STXBP5L: variants seen among roughly 807,000 people sequenced by gnomAD.
STXBP5L encodes the protein syntaxin-binding protein 5-like.
Under a neutral mutation model 144.5 loss-of-function variants are expected in STXBP5L, and 65 were observed. The observed-to-expected ratio is 0.45, with a 90% CI of 0.37 to 0.55. The LOEUF (loss-of-function observed/expected upper bound fraction) is 0.55, where lower values mean the gene tolerates loss of function less well. STXBP5L is among the 20% of genes least tolerant of loss of function. The pLI is 0.00. For synonymous variants in STXBP5L, 505 were observed against 469.6 expected, an observed-to-expected ratio of 1.08 and a Z score of -0.97; for missense variants, 1,298 against 1,405.5, an observed-to-expected ratio of 0.92 and a Z score of 1.22.
intron 11 of STXBP5L, among the ~76,000 whole-genome samples, chr3:121,227,926 T>A (rs2049172790): frequency 6.6e-6 from 1 of 152,152 alleles, no homozygotes; most frequent in South Asian, 2.1e-4. Flanking sequence ...TCATTTAATA[T>A]CTGTACAAGA....
At chr3:121,351,986 A>T (rs1483815742) in intron 20 of STXBP5L, among the ~76,000 whole-genome samples, 1 of 152,074 alleles carries the variant, frequency 6.6e-6, no homozygotes, top group Non-Finnish European at 1.5e-5. Context: ...CAAAGATCAG[A>T]TGATTGTAGA....
At chr3:121,358,672 G>A (rs950996680) in intron 20 of STXBP5L, among the ~76,000 whole-genome samples, 3 of 152,084 alleles carry the variant, frequency 2.0e-5, no homozygotes, top group African/African-American at 7.2e-5. Flanking sequence ...AACCATATAA[G>A]CATTCTACTC....
intron 3 of STXBP5L, among the ~76,000 whole-genome samples, chr3:120,975,613 T>C (rs1279507671): frequency 1.3e-5 from 2 of 152,198 alleles, no homozygotes; most frequent in Non-Finnish European, 2.9e-5. Flanking sequence ...GGCATCCCTG[T>C]CTTGTGCCAG....
chr3:120,975,349 G>T (rs569358577), intron 3 of STXBP5L, among the ~76,000 whole-genome samples: 2 of 152,118 alleles, frequency 1.3e-5, no homozygotes, highest in South Asian at 2.1e-4. Context: ...TTGTTTGTCT[G>T]TTATTGGTGT....
intron 9 of STXBP5L, among the ~76,000 whole-genome samples, chr3:121,164,062 A>G (rs1211182350): frequency 2.0e-5 from 3 of 152,106 alleles, no homozygotes; most frequent in Non-Finnish European, 4.4e-5. Context: ...AATTTAGAAC[A>G]TTTTCATCAC....
chr3:121,130,541 T>C (rs552038147), intron 7 of STXBP5L, among the ~76,000 whole-genome samples: 3 of 152,152 alleles, frequency 2.0e-5, no homozygotes, highest in East Asian at 1.9e-4. Flanking sequence ...CTAAAACCAA[T>C]TGACAGAGGA....
intron 10 of STXBP5L, among the ~76,000 whole-genome samples, chr3:121,219,158 T>C (rs1223194879): frequency 6.6e-6 from 1 of 152,220 alleles, no homozygotes. Context: ...TTGTGATTAC[T>C]ACTTTATTAC....
At chr3:121,367,657 G>A (rs916158708) in intron 20 of STXBP5L, among the ~76,000 whole-genome samples, 56 of 113,840 alleles carry the variant, frequency 4.9e-4, no homozygotes, top group African/African-American at 1.8e-3. Flanking sequence ...AGAATAGAAT[G>A]TAGTGGCCTG....
At chr3:120,928,184 A>G (rs1709737044) in intron 2 of STXBP5L, among the ~76,000 whole-genome samples, 1 of 152,166 alleles carries the variant, frequency 6.6e-6, no homozygotes, top group Non-Finnish European at 1.5e-5. Flanking sequence ...AATATCTTAC[A>G]TTTTCTAAAA....
At chr3:120,928,635 A>T (rs1158573230) in intron 2 of STXBP5L, among the ~76,000 whole-genome samples, 1 of 125,628 alleles carries the variant, frequency 8.0e-6, no homozygotes, top group Non-Finnish European at 1.8e-5. Context: ...CATATGGTAT[A>T]CAGAGTGTGT....
chr3:121,209,197 G>T (rs2048459141), intron 10 of STXBP5L, among the ~76,000 whole-genome samples: 1 of 152,108 alleles, frequency 6.6e-6, no homozygotes, highest in African/African-American at 2.4e-5. Flanking sequence ...TTGGTTCCAA[G>T]TCTTTGCTAT....
chr3:120,961,686 G>A (rs923391273), intron 3 of STXBP5L, among the ~76,000 whole-genome samples: 2 of 152,126 alleles, frequency 1.3e-5, no homozygotes, highest in African/African-American at 4.8e-5. Context: ...ATGGACATTT[G>A]GGATGCTTCC....
At chr3:120,966,320 T>C (rs1939569746) in intron 3 of STXBP5L, among the ~76,000 whole-genome samples, 1 of 152,232 alleles carries the variant, frequency 6.6e-6, no homozygotes, top group Non-Finnish European at 1.5e-5. Flanking sequence ...CTTTGTTCCG[T>C]TGCTGGCGAG....
intron 10 of STXBP5L, among the ~76,000 whole-genome samples, chr3:121,208,327 C>T (rs2048420377): frequency 9.6e-6 from 1 of 103,942 alleles, no homozygotes; most frequent in Non-Finnish European, 1.8e-5. Context: ...ACACCGGGGC[C>T]TGTCATGGGG....
At chr3:121,336,934 G>C (rs931631004) in intron 20 of STXBP5L, among the ~76,000 whole-genome samples, 1 of 152,156 alleles carries the variant, frequency 6.6e-6, no homozygotes, top group South Asian at 2.1e-4. Context: ...AAAAGAATGA[G>C]ATCATGTCCT....
At chr3:121,095,365 AT>A (rs2043061292) in intron 5 of STXBP5L, among the ~76,000 whole-genome samples, 2 of 152,160 alleles carry the variant, frequency 1.3e-5, no homozygotes, top group African/African-American at 4.8e-5. Flanking sequence ...CTCTTGGATA[AT>A]AACCTGCAGA....
chr3:121,363,752 G>GT (rs941238043), intron 20 of STXBP5L, among the ~76,000 whole-genome samples: 21 of 151,248 alleles, frequency 1.4e-4, no homozygotes, highest in East Asian at 5.8e-4. Flanking sequence ...ATGAAGGTGG[G>GT]TTTTTTTTTC....
chr3:121,234,424 A>G (rs1577269737), intron 12 of STXBP5L, among the ~76,000 whole-genome samples: 1 of 152,094 alleles, frequency 6.6e-6, no homozygotes, highest in South Asian at 2.1e-4. Flanking sequence ...AAAATTCATT[A>G]TCTATATAAT....
At chr3:120,942,851 T>C (rs1182871269) in intron 2 of STXBP5L, among the ~76,000 whole-genome samples, 2 of 151,574 alleles carry the variant, frequency 1.3e-5, no homozygotes, top group Non-Finnish European at 3.0e-5. Context: ...TGTAGTTTTT[T>C]GTTGTTTAGC....
Sources: gnomAD v4.1 joint callset for allele counts (sites outside exome capture counted in the v4.1 genomes callset) on GRCh38, gnomAD v4.1.1 for gene constraint, MANE v1.5 for transcripts, NCBI Gene and HGNC (gene_info 2026-07-23, HGNC 2026-07-21) for gene names.